Variants in RASEF observed in about 807,000 individuals in gnomAD.
RASEF encodes RAS and EF-hand domain containing.
In RASEF, 68 loss-of-function variants were observed where a neutral mutation model predicts 90.1. The ratio of observed to expected loss-of-function variants is 0.75; its 90% CI spans 0.62 to 0.92. The LOEUF is 0.92. Ranked by LOEUF, RASEF falls within the 40% of genes least tolerant of loss-of-function variation. The pLI is 0.00. For synonymous variants in RASEF, 331 were observed against 345.2 expected (o/e 0.96, Z 0.46); for missense variants, 949 against 937.2 (o/e 1.01, Z -0.16).
At chr9:83,084,994 G>A in the RASEF span, among the ~76,000 whole-genome samples, 4 of 151,940 alleles carry the variant, frequency 2.6e-5, no homozygotes, top group Non-Finnish European at 5.9e-5. Flanking sequence ...AGGAATACTC[G>A]GCTTTGTGAT....
At chr9:83,079,926 A>G in the RASEF span, among the ~76,000 whole-genome samples, 1 of 152,252 alleles carries the variant, frequency 6.6e-6, no homozygotes. Context: ...TCAGAGAATC[A>G]TCCTCAAAGA....
intron 1 of RASEF, among the ~76,000 whole-genome samples, chr9:83,032,049 G>A (rs1035468309): frequency 1.3e-5 from 2 of 152,098 alleles, no homozygotes; most frequent in Non-Finnish European, 2.9e-5. Flanking sequence ...GTCCCTCTAC[G>A]TAAGATTTAT....
the RASEF span, among the ~76,000 whole-genome samples, chr9:83,218,603 T>C: frequency 1.8e-4 from 28 of 152,082 alleles, no homozygotes; most frequent in Admixed American, 2.0e-4. Flanking sequence ...CTCAGGGTTG[T>C]CAAGCAGAAA....
At chr9:83,191,919 A>G in the RASEF span, among the ~76,000 whole-genome samples, 1 of 152,330 alleles carries the variant, frequency 6.6e-6, no homozygotes, top group East Asian at 1.9e-4. Flanking sequence ...TAAAAGCTAG[A>G]TATGTGGCCA....
the RASEF span, among the ~76,000 whole-genome samples, chr9:83,089,882 T>TATAGATAGATGATAG: frequency 6.8e-6 from 1 of 147,916 alleles, no homozygotes; most frequent in African/African-American, 2.5e-5. Flanking sequence ...TCTGGGACTT[T>TATAGATAGATGATAG]ATAGATAGAT....
At chr9:83,014,228 C>T (rs1829301871) in intron 4 of RASEF, among the ~76,000 whole-genome samples, 1 of 152,170 alleles carries the variant, frequency 6.6e-6, no homozygotes, top group African/African-American at 2.4e-5. Flanking sequence ...TCTAAGGAGG[C>T]TACTGGGGAG....
At chr9:83,139,599 A>G in the RASEF span, among the ~76,000 whole-genome samples, 1 of 152,268 alleles carries the variant, frequency 6.6e-6, no homozygotes, top group East Asian at 1.9e-4. Flanking sequence ...CATCTTCACA[A>G]TGAGTAGGCT....
chr9:83,154,143 A>C, the RASEF span, among the ~76,000 whole-genome samples: 4 of 152,224 alleles, frequency 2.6e-5, no homozygotes, highest in Admixed American at 1.3e-4. Flanking sequence ...TCTAGTGTAC[A>C]TTCTGCCACT....
chr9:83,152,629 T>C, the RASEF span, among the ~76,000 whole-genome samples: 1 of 152,210 alleles, frequency 6.6e-6, no homozygotes, highest in African/African-American at 2.4e-5. Context: ...AAATACCAAG[T>C]GGTTCCTTCC....
rs773425393 is a variant in RASEF at position 83,022,331 on chromosome 9, C to A, written c.669+5G>T. ...GCTGAATGAATGGCCAACCCAGAAA[C>A]TCACGTCTTTCCGTGTCTTATGTTC... is the stretch of plus-strand genomic sequence containing the variant. On this transcript the variant is annotated splice_donor_5th_base_variant and intron_variant, in intron 3 of 16. Coordinates refer to ENST00000376447, the MANE Select transcript of RASEF (RefSeq NM_152573.4). 2.2e-5 allele frequency: 36 copies of A among 1,612,484 alleles called. No homozygotes were observed. The highest frequency in any genetic ancestry group is 2.8e-5 in the Non-Finnish European group (33 of 1,178,664).
At chr9:82,989,412 A>G (rs1290359851) in intron 16 of RASEF, among the ~76,000 whole-genome samples, 1 of 152,084 alleles carries the variant, frequency 6.6e-6, no homozygotes, top group African/African-American at 2.4e-5. Context: ...AGCAACTAAC[A>G]CATCCTCCTT....
At chr9:83,211,004 A>G in the RASEF span, among the ~76,000 whole-genome samples, 9 of 152,264 alleles carry the variant, frequency 5.9e-5, no homozygotes, top group Non-Finnish European at 1.3e-4. Context: ...ATACTTTACA[A>G]CATAGCCAGC....
chr9:83,081,717 C>T, the RASEF span, among the ~76,000 whole-genome samples: 16 of 152,248 alleles, frequency 1.1e-4, no homozygotes, highest in Non-Finnish European at 1.6e-4. Context: ...CTAGGCCAGC[C>T]GGGTTCAGGA....
chr9:82,997,152 A>G, intron 13 of RASEF, 26 bp from the exon 14 acceptor site: 1 of 1,420,566 alleles, frequency 7.0e-7, no homozygotes, highest in Non-Finnish European at 1.0e-6. Context: ...CCACATCATC[A>G]GTCAGTTTGT....
chr9:83,144,326 GGAAAGAAAGAAAGAAAGAAA>G, the RASEF span, among the ~76,000 whole-genome samples: 4 of 39,434 alleles, frequency 1.0e-4, no homozygotes, highest in African/African-American at 3.0e-4. Flanking sequence ...AAAGAAAGAA[GGAAAGAAAGAAAGAAAGAAA>G]GAAAGAAAGA....
the RASEF span, among the ~76,000 whole-genome samples, chr9:83,156,669 C>T: frequency 3.9e-5 from 6 of 152,190 alleles, no homozygotes; most frequent in African/African-American, 1.4e-4. Context: ...GATAATCATC[C>T]ATCCCAGTTT....
At chr9:83,121,947 G>C in the RASEF span, among the ~76,000 whole-genome samples, 6 of 152,124 alleles carry the variant, frequency 3.9e-5, no homozygotes, top group Admixed American at 3.9e-4. Flanking sequence ...TGTAAAATGA[G>C]GAAAATAATA....
chr9:83,188,701 C>A, the RASEF span, among the ~76,000 whole-genome samples: 1 of 152,204 alleles, frequency 6.6e-6, no homozygotes, highest in Non-Finnish European at 1.5e-5. Context: ...TTCCTCCCTT[C>A]CACCTACCGC....
At chr9:83,070,473 T>C in the RASEF span, among the ~76,000 whole-genome samples, 9 of 152,172 alleles carry the variant, frequency 5.9e-5, no homozygotes, top group East Asian at 1.9e-4. Context: ...TTCCTTTCTA[T>C]TGACTTTTCA....
Sources: allele counts gnomAD v4.1 joint callset (sites outside exome capture counted in the v4.1 genomes callset), GRCh38; gene constraint gnomAD v4.1.1; transcripts MANE v1.5; gene names NCBI Gene and HGNC (gene_info 2026-07-23, HGNC 2026-07-21).